Variants in ATRNL1 observed in about 807,000 individuals in gnomAD.
The protein encoded by ATRNL1 is attractin-like protein 1.
Under a neutral mutation model 182.7 loss-of-function variants are expected in ATRNL1, and 95 were observed. That is an observed-to-expected ratio of 0.52 (90% CI 0.44 to 0.62). The LOEUF (loss-of-function observed/expected upper bound fraction) is 0.62, where lower values mean the gene tolerates loss of function less well. Among genes scored for constraint, ATRNL1 ranks in the 20% least tolerant of loss-of-function variants. The probability of loss-of-function intolerance (pLI) is 0.00; values close to 1 mark genes in which losing one functional copy is unlikely to be tolerated. For synonymous variants in ATRNL1, 576 were observed against 568.3 expected, an observed-to-expected ratio of 1.01 and a Z score of -0.19; for missense variants, 1,471 against 1,679.5, an observed-to-expected ratio of 0.88 and a Z score of 2.17.
chr10:115,553,881 T>C (rs1439345473), intron 26 of ATRNL1, among the ~76,000 whole-genome samples: 7 of 151,530 alleles, frequency 4.6e-5, no homozygotes, highest in African/African-American at 1.4e-4. Context: ...CTCATCTAAG[T>C]AATATTAATG....
intron 5 of ATRNL1, among the ~76,000 whole-genome samples, chr10:115,137,077 T>TA (rs1410577990): frequency 6.6e-6 from 1 of 152,140 alleles, no homozygotes; most frequent in African/African-American, 2.4e-5. Flanking sequence ...ATATAACTTT[T>TA]AAAAAATCTG....
intron 19 of ATRNL1, among the ~76,000 whole-genome samples, chr10:115,391,621 AT>A (rs34059560): frequency 0.39 from 57,491 of 147,810 alleles, 12,009 homozygotes; most frequent in African/African-American, 0.57. Context: ...TATTCAATGC[AT>A]TTTTTTTTTT....
rs149966098 is a variant in ATRNL1, at chr10:115,652,068, G to A, written c.3796-75180G>A. ...TTTGTTCACAAATTTGTTATGGATTGTAGTAAATTTATGCTGCAAAGTAGA... is the reference window on the plus strand; with the variant it reads ...TTTGTTCACAAATTTGTTATGGATTATAGTAAATTTATGCTGCAAAGTAGA... On this transcript the variant is annotated intron_variant, in intron 26 of 28. Coordinates refer to ENST00000355044, the MANE Select transcript of ATRNL1 (RefSeq NM_207303.4). Among the ~76,000 whole-genome samples the A allele has an allele frequency of 6.3e-3, 961 of 152,074 alleles. 9 individuals carry two copies. The highest frequency in any genetic ancestry group is 0.022 in the African/African-American group (917 of 41,522).
At chr10:115,724,850 T>C (rs1324869673) in intron 26 of ATRNL1, among the ~76,000 whole-genome samples, 1 of 152,138 alleles carries the variant, frequency 6.6e-6, no homozygotes, top group Admixed American at 6.5e-5. Context: ...ATTTACTCCA[T>C]TTGATTATTT....
intron 5 of ATRNL1, among the ~76,000 whole-genome samples, chr10:115,135,125 C>G (rs1300230782): frequency 1.3e-5 from 2 of 152,052 alleles, no homozygotes; most frequent in East Asian, 3.9e-4. Flanking sequence ...AAAACGGGCA[C>G]AAGACAGGGA....
At chr10:115,618,320 G>C (rs1429398894) in intron 26 of ATRNL1, among the ~76,000 whole-genome samples, 1 of 151,702 alleles carries the variant, frequency 6.6e-6, no homozygotes, top group Admixed American at 6.6e-5. Context: ...CAATTTACTT[G>C]GGAATTTTTT....
intron 1 of ATRNL1, among the ~76,000 whole-genome samples, chr10:115,095,975 A>T (rs1371261976): frequency 6.6e-6 from 1 of 152,236 alleles, no homozygotes; most frequent in Non-Finnish European, 1.5e-5. Context: ...CTTGTTAATC[A>T]GCTGGATCAG....
intron 5 of ATRNL1, among the ~76,000 whole-genome samples, chr10:115,149,494 T>A (rs1204452050): frequency 1.3e-5 from 2 of 152,196 alleles, no homozygotes; most frequent in Non-Finnish European, 2.9e-5. Context: ...TGTCCTTTTT[T>A]ATATCTTGGT....
chr10:115,752,407 A>T (rs1289013543), intron 27 of ATRNL1, among the ~76,000 whole-genome samples: 1 of 152,060 alleles, frequency 6.6e-6, no homozygotes, highest in Admixed American at 6.6e-5. Context: ...AAACTCTGTT[A>T]TAGGCAGTAG....
intron 5 of ATRNL1, among the ~76,000 whole-genome samples, chr10:115,152,338 T>A (rs1343728210): frequency 6.6e-6 from 1 of 152,230 alleles, no homozygotes; most frequent in Non-Finnish European, 1.5e-5. Flanking sequence ...TGATTCTCCC[T>A]GTCCACGAGC....
chr10:115,445,126 T>A (rs1187526934), intron 21 of ATRNL1, among the ~76,000 whole-genome samples: 1 of 151,824 alleles, frequency 6.6e-6, no homozygotes, highest in African/African-American at 2.4e-5. Context: ...TGACATTTAT[T>A]TCTGCTTAAG....
chr10:115,770,834 T>G (rs954548440), intron 27 of ATRNL1, among the ~76,000 whole-genome samples: 39 of 152,178 alleles, frequency 2.6e-4, no homozygotes, highest in African/African-American at 9.4e-4. Flanking sequence ...TTAAAAGAAT[T>G]TATTGATAGA....
At chr10:115,385,187 G>T (rs1858265153) in intron 19 of ATRNL1, among the ~76,000 whole-genome samples, 1 of 151,972 alleles carries the variant, frequency 6.6e-6, no homozygotes, top group Non-Finnish European at 1.5e-5. Flanking sequence ...GAGGATTTTA[G>T]TGTTTCATTT....
chr10:115,626,239 T>A (rs2133817989), intron 26 of ATRNL1, among the ~76,000 whole-genome samples: 2 of 152,274 alleles, frequency 1.3e-5, no homozygotes, highest in South Asian at 4.2e-4. Context: ...GATAAAGCAT[T>A]TGTTTTCTTT....
At chr10:115,511,083 G>A (rs369845802) in intron 24 of ATRNL1, among the ~76,000 whole-genome samples, 1 of 151,728 alleles carries the variant, frequency 6.6e-6, no homozygotes, top group South Asian at 2.1e-4. Flanking sequence ...GAGCTGTCTG[G>A]TATATTTATT....
intron 24 of ATRNL1, among the ~76,000 whole-genome samples, chr10:115,471,817 T>A (rs1453086239): frequency 6.6e-6 from 1 of 151,226 alleles, no homozygotes; most frequent in Non-Finnish European, 1.5e-5. Flanking sequence ...TGTTGATTGT[T>A]TCCTTTGCTG....
chr10:115,383,740 A>G (rs1486263320), intron 19 of ATRNL1, among the ~76,000 whole-genome samples: 1 of 152,050 alleles, frequency 6.6e-6, no homozygotes, highest in Admixed American at 6.5e-5. Flanking sequence ...AATGTCATTT[A>G]TAACAAATTA....
At chr10:115,760,008 T>C (rs1176341170) in intron 27 of ATRNL1, among the ~76,000 whole-genome samples, 2 of 151,804 alleles carry the variant, frequency 1.3e-5, no homozygotes, top group Non-Finnish European at 2.9e-5. Flanking sequence ...AATAAAACTT[T>C]CTAATTGTGA....
intron 26 of ATRNL1, among the ~76,000 whole-genome samples, chr10:115,622,723 C>T (rs566278882): frequency 6.6e-6 from 1 of 152,210 alleles, no homozygotes; most frequent in South Asian, 2.1e-4. Context: ...GTCAGGAGAT[C>T]GAGACCATCC....
Sources: gnomAD v4.1 joint callset for allele counts (sites outside exome capture counted in the v4.1 genomes callset) on GRCh38, gnomAD v4.1.1 for gene constraint, MANE v1.5 for transcripts, NCBI Gene and HGNC (gene_info 2026-07-23, HGNC 2026-07-21) for gene names.